The following ADAM18 variants were observed in gnomAD, a reference collection of about 807,000 sequenced individuals.
The protein encoded by ADAM18 is disintegrin and metalloproteinase domain-containing protein 18.
ADAM18 carries 117 observed loss-of-function variants against 94.4 expected under a neutral mutation model. That is an observed-to-expected ratio of 1.24 (90% CI 1.07 to 1.45). The LOEUF (loss-of-function observed/expected upper bound fraction) is 1.45. ADAM18 is among the 40% of genes most tolerant of loss of function. ADAM18 has a pLI of 0.00. For synonymous variants in ADAM18, 327 were observed against 291.6 expected (o/e 1.12, Z -1.24); for missense variants, 936 against 880.0 (o/e 1.06, Z -0.81).
intron 14 of ADAM18, 71 bp from the exon 15 acceptor site, chr8:39,677,360 T>G (rs1160380772): frequency 8.1e-7 from 1 of 1,239,558 alleles, no homozygotes; most frequent in Non-Finnish European, 1.1e-6. Flanking sequence ...TTAAATTTCC[T>G]TAGTCTGTTA....
At chr8:39,719,139 C>T (rs1230617830) in intron 18 of ADAM18, among the ~76,000 whole-genome samples, 1 of 151,236 alleles carries the variant, frequency 6.6e-6, no homozygotes, top group African/African-American at 2.4e-5. Flanking sequence ...CATTAACAGA[C>T]ATACAGGTCA....
At chr8:39,723,329 G>A (rs1822812164) in intron 18 of ADAM18, among the ~76,000 whole-genome samples, 1 of 151,514 alleles carries the variant, frequency 6.6e-6, no homozygotes, top group Admixed American at 6.6e-5. Context: ...TACATACATA[G>A]AATATAAACA....
chr8:39,721,208 G>A (rs545104360), intron 18 of ADAM18, among the ~76,000 whole-genome samples: 1 of 151,602 alleles, frequency 6.6e-6, no homozygotes, highest in South Asian at 2.1e-4. Flanking sequence ...TGCTGAGAAA[G>A]TTGGATAGCC....
rs1319169348 is a variant in ADAM18, at chr8:39,637,554, A to C, written c.678A>C (p.Lys226Asn). The C allele has an allele frequency of 6.2e-7, 1 of 1,610,158 alleles. No homozygotes were observed. Among genetic ancestry groups the C allele is most frequent in the South Asian group, 1.1e-5 (1 of 90,368 alleles). Residue 226 changes from lysine (K) to asparagine (N), a missense_variant, in exon 9 of 20, where the codon AAA becomes AAC. Physicochemically the swap from Lys to Asn is moderately conservative, Grantham distance 94 (BLOSUM62 0). Transcript: ENST00000265707. ...ATTTTTAGATGTTTACCCAGTTCAA[A>C]TTGACTGTTATACTGTCTTCCTTGG... ...GLVNTMFTQF[K>N]LTVILSSLEL...
chr8:39,615,247 A>G lies in ADAM18; in HGVS notation c.522+4541A>G, dbSNP rs75605938. On this transcript the variant is annotated intron_variant, in intron 6 of 19. Coordinates refer to ENST00000265707, the MANE Select transcript of ADAM18 (RefSeq NM_014237.3). ...AAATTAAAAAAAAAAAAACATACGG[A>G]CCACACTTTTTGGAACACAGTACAA... Among the ~76,000 whole-genome samples the G allele has an allele frequency of 7.8e-3, 1,183 of 152,014 alleles. 12 individuals are homozygous for G. The highest frequency in any genetic ancestry group is 0.027 in the African/African-American group (1,120 of 41,472).
chr8:39,658,114 G>A (rs1454059037), intron 12 of ADAM18, among the ~76,000 whole-genome samples: 2 of 152,114 alleles, frequency 1.3e-5, no homozygotes, highest in East Asian at 3.8e-4. Context: ...ATAATTTGTT[G>A]CTTTTTATTA....
chr8:39,640,779 G>A (rs1675161901), intron 10 of ADAM18, among the ~76,000 whole-genome samples: 1 of 151,118 alleles, frequency 6.6e-6, no homozygotes, highest in African/African-American at 2.4e-5. Context: ...CTAATGACCA[G>A]TGATGTTGAG....
At chr8:39,610,429 G>A (rs1428596134) in intron 5 of ADAM18, 100 bp from the exon 6 acceptor site, 5 of 1,354,050 alleles carry the variant, frequency 3.7e-6, no homozygotes, top group South Asian at 3.6e-5. Flanking sequence ...GTGTTCTTTA[G>A]TATAGTTTTT....
chr8:39,659,309 C>T lies in ADAM18; in HGVS notation c.1231-4486C>T, dbSNP rs532428345. ...ATTGGATTTTTACATGGAAAATTAC[C>T]TACGAAATCTTAATTTTCAAACATA... On this transcript the variant is annotated intron_variant, in intron 12 of 19. Coordinates refer to ENST00000265707, the MANE Select transcript of ADAM18 (RefSeq NM_014237.3). 3.4e-4 allele frequency among the ~76,000 whole-genome samples: 52 copies of T among 151,028 alleles called. 1 individual carries two copies. Among genetic ancestry groups the T allele is most frequent in the Non-Finnish European group, 7.2e-4 (49 of 67,730 alleles).
chr8:39,601,864 A>G (rs1368504461), intron 2 of ADAM18, among the ~76,000 whole-genome samples: 2 of 151,912 alleles, frequency 1.3e-5, no homozygotes, highest in East Asian at 1.9e-4. Context: ...CCATCTTTCT[A>G]CTTTTTGTTT....
At chr8:39,623,025 C>G (rs182718321) in intron 6 of ADAM18, among the ~76,000 whole-genome samples, 3 of 152,146 alleles carry the variant, frequency 2.0e-5, no homozygotes, top group Non-Finnish European at 2.9e-5. Context: ...CTCACTCCCC[C>G]TCTCACCTTC....
chr8:39,718,319 A>G (rs548648570), intron 18 of ADAM18, among the ~76,000 whole-genome samples: 1 of 151,562 alleles, frequency 6.6e-6, no homozygotes, highest in Non-Finnish European at 1.5e-5. Context: ...CTAAATGTTC[A>G]TCAATAATGT....
At chr8:39,597,016 G>T (rs930932442) in intron 2 of ADAM18, among the ~76,000 whole-genome samples, 2 of 152,138 alleles carry the variant, frequency 1.3e-5, no homozygotes, top group African/African-American at 4.8e-5. Context: ...TGGATGCACA[G>T]CCTCCCTGAC....
At chr8:39,656,651 A>G (rs1446604946) in intron 12 of ADAM18, among the ~76,000 whole-genome samples, 2 of 152,242 alleles carry the variant, frequency 1.3e-5, no homozygotes, top group East Asian at 3.8e-4. Context: ...AGATTATACA[A>G]TAGGAGATTG....
intron 2 of ADAM18, among the ~76,000 whole-genome samples, chr8:39,601,262 T>C (rs1177177363): frequency 1.3e-5 from 2 of 152,210 alleles, no homozygotes; most frequent in African/African-American, 4.8e-5. Context: ...CCAAAACATA[T>C]CACTGCTGCA....
chr8:39,611,550 A>T, intron 6 of ADAM18: 2 of 985,354 alleles, frequency 2.0e-6, no homozygotes, highest in Non-Finnish European at 2.4e-6. Flanking sequence ...ATTTACTGGG[A>T]TAAATAAAAA....
chr8:39,677,936 T>A (rs780927078), intron 15 of ADAM18, among the ~76,000 whole-genome samples: 1 of 152,182 alleles, frequency 6.6e-6, no homozygotes, highest in African/African-American at 2.4e-5. Flanking sequence ...GCTAATTGTG[T>A]CCAAAACATC....
At chr8:39,638,125 A>G (rs1196967482) in intron 9 of ADAM18, among the ~76,000 whole-genome samples, 1 of 151,802 alleles carries the variant, frequency 6.6e-6, no homozygotes, top group Admixed American at 6.6e-5. Context: ...CTTTAGGACT[A>G]GTAAGATTGC....
chr8:39,638,436 T>C (rs202055866), intron 9 of ADAM18, 29 bp from the exon 10 acceptor site: 60 of 1,436,646 alleles, frequency 4.2e-5, no homozygotes, highest in Middle Eastern at 4.0e-4. Context: ...TTTGCATAAC[T>C]ACGTTAATAA....
Sources: allele counts gnomAD v4.1 joint callset (sites outside exome capture counted in the v4.1 genomes callset), GRCh38; gene constraint gnomAD v4.1.1; transcripts MANE v1.5; gene names NCBI Gene and HGNC (gene_info 2026-07-23, HGNC 2026-07-21).